Variants in NALF1 observed in about 807,000 individuals in gnomAD.
NALF1 encodes family with sequence similarity 155 member A.
NALF1 carries 3 observed loss-of-function variants against 48.4 expected under a neutral mutation model. The observed-to-expected ratio is 0.06, with a 90% CI of 0.03 to 0.16. The LOEUF (loss-of-function observed/expected upper bound fraction) is 0.16. Ranked by LOEUF, NALF1 falls within the 10% of genes least tolerant of loss-of-function variation. NALF1 has a pLI of 1.00. For synonymous variants in NALF1, 262 were observed against 245.7 expected (o/e 1.07, Z -0.62); for missense variants, 526 against 571.5 (o/e 0.92, Z 0.81).
At chr13:107,841,023 C>A (rs1212303128) in intron 1 of NALF1, among the ~76,000 whole-genome samples, 1 of 152,118 alleles carries the variant, frequency 6.6e-6, no homozygotes, top group African/African-American at 2.4e-5. Flanking sequence ...CTCTATTTCT[C>A]TAATTATATT....
Position 107,571,125 on chromosome 13 carries a change from C to T in NALF1, c.915+294557G>A, listed in dbSNP as rs529914638. ...ATAAGAAATATATGTTTGGTTTCTG[C>T]CCCCAGTTCCTGACACTTAAATCAT... On this transcript the variant is annotated intron_variant, in intron 1 of 2. Transcript: ENST00000375915. Among the ~76,000 whole-genome samples, 152 of 152,232 alleles carry T rather than the reference C, an allele frequency of 1.0e-3. 1 individual carries two copies. Among genetic ancestry groups the T allele is most frequent in the African/African-American group, 3.5e-3 (146 of 41,546 alleles).
intron 1 of NALF1, among the ~76,000 whole-genome samples, chr13:107,699,946 C>T (rs1262388903): frequency 6.6e-6 from 1 of 151,886 alleles, no homozygotes; most frequent in Non-Finnish European, 1.5e-5. Context: ...AATAAATTTA[C>T]TCAAGTAGGT....
chr13:107,781,603 T>C (rs1373566631), intron 1 of NALF1, among the ~76,000 whole-genome samples: 1 of 151,824 alleles, frequency 6.6e-6, no homozygotes, highest in South Asian at 2.1e-4. Context: ...CACTTAAAAA[T>C]GTATCAGCAA....
chr13:107,373,794 G>A (rs769543364), intron 1 of NALF1, among the ~76,000 whole-genome samples: 8 of 151,944 alleles, frequency 5.3e-5, no homozygotes, highest in Non-Finnish European at 1.0e-4. Context: ...CACACAAAAA[G>A]CACATGTTTC....
chr13:107,348,266 T>G (rs1397787493), intron 1 of NALF1, among the ~76,000 whole-genome samples: 1 of 152,192 alleles, frequency 6.6e-6, no homozygotes, highest in Non-Finnish European at 1.5e-5. Context: ...ATAATTTAAT[T>G]TAGCTCTTAA....
At chr13:107,272,955 C>T (rs1028122607) in intron 1 of NALF1, among the ~76,000 whole-genome samples, 1 of 152,196 alleles carries the variant, frequency 6.6e-6, no homozygotes, top group Non-Finnish European at 1.5e-5. Flanking sequence ...ATGTACATGG[C>T]ATTAGCATGC....
intron 1 of NALF1, among the ~76,000 whole-genome samples, chr13:107,604,010 G>A (rs1349960976): frequency 4.6e-5 from 7 of 151,948 alleles, no homozygotes. Flanking sequence ...TCTCAATTTC[G>A]GATCTTCCAG....
intron 1 of NALF1, among the ~76,000 whole-genome samples, chr13:107,698,705 G>C (rs1881751111): frequency 6.6e-6 from 1 of 152,068 alleles, no homozygotes; most frequent in South Asian, 2.1e-4. Context: ...GGGATTTTCA[G>C]ATGGACACAA....
intron 1 of NALF1, among the ~76,000 whole-genome samples, chr13:107,237,129 T>A (rs1221628957): frequency 4.0e-5 from 6 of 151,498 alleles, no homozygotes; most frequent in Admixed American, 6.6e-5. Context: ...TAGGGCATTA[T>A]GATAAACACA....
intron 1 of NALF1, among the ~76,000 whole-genome samples, chr13:107,529,669 A>G (rs541557491): frequency 6.6e-6 from 1 of 152,218 alleles, no homozygotes; most frequent in African/African-American, 2.4e-5. Flanking sequence ...CTTGGCTCCC[A>G]TTGCAATGTG....
At chr13:107,335,712 A>G (rs954013932) in intron 1 of NALF1, among the ~76,000 whole-genome samples, 1 of 152,178 alleles carries the variant, frequency 6.6e-6, no homozygotes, top group Non-Finnish European at 1.5e-5. Flanking sequence ...CATGGGTACC[A>G]TCACTACAGG....
chr13:107,857,118 A>T (rs1362652050), intron 1 of NALF1, among the ~76,000 whole-genome samples: 1 of 152,174 alleles, frequency 6.6e-6, no homozygotes, highest in Non-Finnish European at 1.5e-5. Flanking sequence ...GTTTTCATTC[A>T]TGCAGCACAG....
chr13:107,259,493 T>C (rs557404782), intron 1 of NALF1, among the ~76,000 whole-genome samples: 49 of 152,290 alleles, frequency 3.2e-4, no homozygotes, highest in African/African-American at 1.2e-3. Flanking sequence ...CCACAGGACA[T>C]TGAGAGGCAT....
At chr13:107,724,872 T>C (rs1216881746) in intron 1 of NALF1, among the ~76,000 whole-genome samples, 1 of 152,148 alleles carries the variant, frequency 6.6e-6, no homozygotes, top group Non-Finnish European at 1.5e-5. Context: ...TGAACCACCG[T>C]GCCTGGCCCA....
In NALF1 at chr13:107,546,162, TG is replaced by T. The variant is rs1326567181; in HGVS notation, c.915+319519del. Among the ~76,000 whole-genome samples the T allele has an allele frequency of 2.0e-5, 3 of 152,226 alleles. No homozygotes were observed. The East Asian group carries it at 5.8e-4, about 30-fold the overall frequency. On this transcript the variant is annotated intron_variant, in intron 1 of 2. Coordinates refer to ENST00000375915, the MANE Select transcript of NALF1 (RefSeq NM_001080396.3). The stretch of plus-strand genomic sequence containing the variant: ...AACACCCACTTGGCCTCTTGCACCC[TG>T]GGGCCAGTGTGCCAACAAAGCCCAT...
chr13:107,383,012 C>T (rs1290560423), intron 1 of NALF1, among the ~76,000 whole-genome samples: 1 of 152,118 alleles, frequency 6.6e-6, no homozygotes, highest in Non-Finnish European at 1.5e-5. Flanking sequence ...AAAGACAAAC[C>T]CCAGATTGAT....
intron 1 of NALF1, among the ~76,000 whole-genome samples, chr13:107,744,866 G>C (rs371976941): frequency 2.0e-5 from 3 of 152,230 alleles, no homozygotes; most frequent in Admixed American, 2.0e-4. Context: ...GAAACTCTAG[G>C]TTAAAAAGAA....
intron 1 of NALF1, among the ~76,000 whole-genome samples, chr13:107,245,592 T>A (rs1471589200): frequency 6.6e-6 from 1 of 152,236 alleles, no homozygotes; most frequent in Non-Finnish European, 1.5e-5. Context: ...TTCTTTTTGC[T>A]GTTTTTCTCC....
intron 1 of NALF1, among the ~76,000 whole-genome samples, chr13:107,317,095 C>G (rs907816691): frequency 3.3e-5 from 5 of 151,894 alleles, no homozygotes; most frequent in African/African-American, 1.2e-4. Context: ...CATTAGTAAC[C>G]AAGACTATAA....
Sources: gnomAD v4.1 joint callset for allele counts (sites outside exome capture counted in the v4.1 genomes callset) on GRCh38, gnomAD v4.1.1 for gene constraint, MANE v1.5 for transcripts, NCBI Gene and HGNC (gene_info 2026-07-23, HGNC 2026-07-21) for gene names.